Variants in TRIO observed in about 807,000 individuals in gnomAD.
TRIO encodes the protein triple functional domain protein.
In TRIO, 58 loss-of-function variants were observed where a neutral mutation model predicts 351.9. That is an observed-to-expected ratio of 0.16 (90% CI 0.13 to 0.21). The LOEUF (loss-of-function observed/expected upper bound fraction) is 0.21. TRIO is among the 10% of genes least tolerant of loss of function. The pLI, the probability that TRIO is intolerant of heterozygous loss-of-function variation, is 1.00. For missense variants in TRIO, 3,201 were observed against 4,027.8 expected, an observed-to-expected ratio of 0.79 and a Z score of 5.56; for synonymous variants, 1,758 against 1,595.7, an observed-to-expected ratio of 1.10 and a Z score of -2.42.
intron 54 of TRIO, among the ~76,000 whole-genome samples, chr5:14,503,632 G>T (rs998771612): frequency 6.6e-6 from 1 of 152,232 alleles, no homozygotes; most frequent in Non-Finnish European, 1.5e-5. Flanking sequence ...GGCCTCTGAA[G>T]GCCCAGCCTC....
At chr5:14,428,117 A>C (rs1029911381) in intron 34 of TRIO, among the ~76,000 whole-genome samples, 2 of 152,178 alleles carry the variant, frequency 1.3e-5, no homozygotes, top group African/African-American at 4.8e-5. Context: ...GGTGAATCTG[A>C]GTCTCCTCAG....
At position 14,507,920 on chromosome 5, in the gene TRIO, C is replaced by A. The variant is rs1387734304; in HGVS notation, c.8792C>A (p.Thr2931Asn). 6.2e-7 allele frequency: 1 copy of A among 1,613,994 alleles called. No individual in the cohort carries two copies. The highest frequency in any genetic ancestry group is 8.5e-7 in the Non-Finnish European group (1 of 1,180,018). ...ILVDESLAKP[T>N]IKLADFGDAV... ...GTGGATGAGAGTTTAGCCAAGCCAA[C>A]CATCAAACTGGCTGACTTTGGAGAT... Residue 2931 changes from threonine (T) to asparagine (N), a missense_variant, in exon 57 of 57, where the codon ACC becomes AAC. Transcript: ENST00000344204.
intron 49 of TRIO, among the ~76,000 whole-genome samples, chr5:14,494,574 G>A (rs1345737459): frequency 2.0e-5 from 3 of 152,232 alleles, no homozygotes; most frequent in African/African-American, 7.2e-5. Context: ...ACGGATCAAG[G>A]AGTAATTTGG....
rs1236953713 is a variant in TRIO, at chr5:14,207,333, C to T, written c.157+63451C>T. Among the ~76,000 whole-genome samples the T allele has an allele frequency of 2.3e-4, 16 of 69,028 alleles. 4 individuals are homozygous for T. The highest frequency in any genetic ancestry group is 9.3e-4 in the African/African-American group (16 of 17,172). The allele number at this position is 69,028 out of a possible 152,430, so 45.3% of individuals were successfully genotyped here. ...AGACTGTCTCTCACACACACACACA[C>T]ACACACACACACACACACACACACA... On this transcript the variant is annotated intron_variant, in intron 1 of 56. Transcript: ENST00000344204.
Position 14,342,434 on chromosome 5 carries a change from C to T in TRIO, c.2046+5707C>T, listed in dbSNP as rs187469689. On this transcript the variant is annotated intron_variant, in intron 11 of 56. Coordinates refer to ENST00000344204, the MANE Select transcript of TRIO (RefSeq NM_007118.4). ...CTCATTGTGTAGACTAGCTGCCCTC[C>T]GATGGGTGCTCTGATTATCAGTGGT... is the stretch of plus-strand genomic sequence containing the variant. Among the ~76,000 whole-genome samples the T allele has an allele frequency of 9.8e-5, 15 of 152,314 alleles. No individual in the cohort carries two copies. The East Asian group carries it at 2.9e-3, about 29-fold the overall frequency.
chr5:14,172,849 G>A (rs17299506), intron 1 of TRIO, among the ~76,000 whole-genome samples: 21,224 of 152,206 alleles, frequency 0.14, 1,691 homozygotes, highest in Admixed American at 0.23. Flanking sequence ...CTTGAGGCAG[G>A]TGTCATATCC....
intron 7 of TRIO, among the ~76,000 whole-genome samples, chr5:14,297,934 A>G (rs1378723012): frequency 6.6e-6 from 1 of 152,112 alleles, no homozygotes; most frequent in Non-Finnish European, 1.5e-5. Context: ...TAAGGGAAAC[A>G]TTATTTCCAG....
intron 3 of TRIO, among the ~76,000 whole-genome samples, chr5:14,282,993 T>C (rs747238882): frequency 2.0e-5 from 3 of 152,198 alleles, no homozygotes; most frequent in Admixed American, 1.3e-4. Flanking sequence ...GTGAGTCCTC[T>C]CTGGGCCCTC....
In TRIO at chr5:14,387,564, C is replaced by T; in HGVS notation, c.3697C>T (p.Leu1233=). ...AVDKRYRDFS[L]RMEKYRTSLE... ...GGATAAGAGGTACAGAGATTTCTCT[C>T]TGCGGATGGAGAAGTACAGGACCTC... Residue 1233 remains leucine, a synonymous_variant, in exon 22 of 57, where the codon CTG becomes TTG. Transcript: ENST00000344204. The T allele has an allele frequency of 6.2e-7, 1 of 1,614,252 alleles. No individual in the cohort carries two copies. The highest frequency in any genetic ancestry group is 8.5e-7 in the Non-Finnish European group (1 of 1,180,046).
intron 36 of TRIO, among the ~76,000 whole-genome samples, chr5:14,465,238 G>T (rs114790016): frequency 3.3e-5 from 5 of 152,056 alleles, no homozygotes; most frequent in African/African-American, 9.6e-5. Flanking sequence ...CGAAAGTTAC[G>T]GTTAGAACGT....
intron 6 of TRIO, among the ~76,000 whole-genome samples, chr5:14,293,975 G>A (rs1737126081): frequency 6.7e-6 from 1 of 150,102 alleles, no homozygotes; most frequent in Non-Finnish European, 1.5e-5. Flanking sequence ...AAAGCAATAT[G>A]AACCGGCCTG....
chr5:14,430,797 T>C (rs1751044197), intron 34 of TRIO, among the ~76,000 whole-genome samples: 1 of 151,956 alleles, frequency 6.6e-6, no homozygotes, highest in Non-Finnish European at 1.5e-5. Context: ...CTCACCGCAA[T>C]CTCCGCCTCC....
chr5:14,181,347 ATTG>A (rs1428786552), intron 1 of TRIO, among the ~76,000 whole-genome samples: 1 of 152,186 alleles, frequency 6.6e-6, no homozygotes. Flanking sequence ...TGAAACTAAA[ATTG>A]TTGTGGGCTG....
chr5:14,230,277 G>A (rs1002971892), intron 1 of TRIO, among the ~76,000 whole-genome samples: 3 of 152,010 alleles, frequency 2.0e-5, no homozygotes, highest in African/African-American at 7.3e-5. Flanking sequence ...ATGGAGTTGG[G>A]TCTATGCTCA....
At chr5:14,448,334 G>A (rs1003452096) in intron 34 of TRIO, among the ~76,000 whole-genome samples, 2 of 152,260 alleles carry the variant, frequency 1.3e-5, no homozygotes, top group African/African-American at 2.4e-5. Context: ...GTCGCTCCTT[G>A]CCTGCCTGGG....
chr5:14,486,581 T>C (rs1755928749), intron 47 of TRIO, among the ~76,000 whole-genome samples: 2 of 152,180 alleles, frequency 1.3e-5, no homozygotes, highest in Non-Finnish European at 2.9e-5. Context: ...TTGAGAATGC[T>C]CTAAATTTTC....
intron 9 of TRIO, among the ~76,000 whole-genome samples, chr5:14,322,279 G>A (rs1426094948): frequency 6.6e-6 from 1 of 152,220 alleles, no homozygotes; most frequent in Non-Finnish European, 1.5e-5. Flanking sequence ...TTAAAATGGG[G>A]GAGGGTTGGT....
At chr5:14,447,424 T>C (rs1035227226) in intron 34 of TRIO, among the ~76,000 whole-genome samples, 12 of 152,188 alleles carry the variant, frequency 7.9e-5, no homozygotes, top group African/African-American at 2.9e-4. Context: ...GCTAGCATTC[T>C]GAATCTGGTA....
intron 55 of TRIO, among the ~76,000 whole-genome samples, chr5:14,506,875 C>G (rs922127853): frequency 6.6e-6 from 1 of 152,164 alleles, no homozygotes; most frequent in African/African-American, 2.4e-5. Context: ...GGTTTGGACC[C>G]TTGACTGTGC....
Sources: allele counts gnomAD v4.1 joint callset (sites outside exome capture counted in the v4.1 genomes callset), GRCh38; gene constraint gnomAD v4.1.1; transcripts MANE v1.5; gene names NCBI Gene and HGNC (gene_info 2026-07-23, HGNC 2026-07-21).